Variants in IDUA observed in about 807,000 individuals in gnomAD.
The protein encoded by IDUA is alpha-L-iduronidase.
A neutral mutation model predicts 68.9 loss-of-function variants in IDUA; 65 were observed. The observed-to-expected ratio is 0.94, with a 90% CI of 0.77 to 1.16. IDUA has a LOEUF of 1.16. Among genes scored for constraint, IDUA ranks in the 50% most tolerant of loss-of-function variants. The probability of loss-of-function intolerance (pLI) is 0.00; values close to 1 mark genes in which losing one functional copy is unlikely to be tolerated. For missense variants in IDUA, 1,046 were observed against 938.0 expected, an observed-to-expected ratio of 1.12 and a Z score of -1.50; for synonymous variants, 529 against 433.6, an observed-to-expected ratio of 1.22 and a Z score of -2.73.
At chr4:990,680 C>T (rs1166001840) in intron 2 of IDUA, 5 of 441,344 alleles carry the variant, frequency 1.1e-5, no homozygotes, top group Non-Finnish European at 4.1e-6. Context: ...AAGGCAACCC[C>T]TTCCTGCTGC....
At position 1,001,513 on chromosome 4, in the gene IDUA, G is replaced by C. The variant is rs1044231895; in HGVS notation, c.539G>C (p.Trp180Ser). Reference sequence around the variant, plus strand: ...GTTTCCAAGTGGAACTTCGAGACGTGGAATGAGCCAGACCACCACGACTTT... The same window carrying C: ...GTTTCCAAGTGGAACTTCGAGACGTCGAATGAGCCAGACCACCACGACTTT... ...AHVSKWNFET[W>S]NEPDHHDFDN... Residue 180 changes from tryptophan (W) to serine (S), a missense_variant, in exon 5 of 14, where the codon TGG becomes TCG. Physicochemically the swap from Trp to Ser is radical, Grantham distance 177 (BLOSUM62 -3). Transcript: ENST00000514224. 6.2e-7 allele frequency: 1 copy of C among 1,613,110 alleles called. No homozygotes were observed. Among genetic ancestry groups the C allele is most frequent in the Admixed American group, 1.7e-5 (1 of 60,010 alleles).
chr4:1,002,720 C>T lies in IDUA; in HGVS notation c.1190-12C>T, dbSNP rs1374734111. ...CGACCCCACGCGGCGACGGCCCCCC[C>T]CCGCCCCGCAGATGAGGAGCAGCTC... On this transcript the variant is annotated splice_polypyrimidine_tract_variant and intron_variant, in intron 8 of 13. Coordinates refer to ENST00000514224, the MANE Select transcript of IDUA (RefSeq NM_000203.5). 2.1e-6 allele frequency: 3 copies of T among 1,458,400 alleles called. No homozygotes were observed. Among genetic ancestry groups the T allele is most frequent in the African/African-American group, 1.5e-5 (1 of 67,602 alleles). The allele number at this position is 1,458,400 out of a possible 1,614,324, so 90.3% of individuals were successfully genotyped here.
rs781543137 is a variant in IDUA at position 1,004,066 on chromosome 4, G to A, written c.1782G>A (p.Pro594=). ...QFSQDGKAYT[P]VSRKPSTFNL... ...CTCAGGACGGTAAGGCGTACACCCCGGTCAGCAGGAAGCCATCGACCTTCA... is the reference window on the plus strand; with the variant it reads ...CTCAGGACGGTAAGGCGTACACCCCAGTCAGCAGGAAGCCATCGACCTTCA... Residue 594 remains proline (P), a synonymous_variant, in exon 13 of 14, where the codon CCG becomes CCA. Coordinates refer to ENST00000514224, the MANE Select transcript of IDUA (RefSeq NM_000203.5). The surrounding 1 kb of genome is among the most constrained non-coding windows in gnomAD (Gnocchi z 5.0). The A allele has an allele frequency of 4.5e-5, 72 of 1,612,088 alleles. No homozygotes were observed. Among genetic ancestry groups the A allele is most frequent in the African/African-American group, 1.2e-4 (9 of 74,368 alleles).
Position 987,142 on chromosome 4 carries a change from G to C in IDUA, c.58G>C (p.Ala20Pro). Reference sequence around the variant, plus strand: ...GGCGCTCCTGGCCTCGCTCCTGGCCGCGCCCCCGGTGGCCCCGGCCGAGGC... The same window carrying C: ...GGCGCTCCTGGCCTCGCTCCTGGCCCCGCCCCCGGTGGCCCCGGCCGAGGC... Reference protein sequence around the residue: ...LLALLASLLAAPPVAPAEAPH... With the variant: ...LLALLASLLAPPPVAPAEAPH... Residue 20 changes from alanine (A) to proline (P), a missense_variant, in exon 1 of 14, where the codon GCG (alanine) becomes CCG (proline). By Grantham distance (27) the Ala-to-Pro change is conservative. Transcript: ENST00000514224. The C allele has an allele frequency of 1.4e-6, 2 of 1,419,084 alleles. No individual in the cohort carries two copies. Among genetic ancestry groups the C allele is most frequent in the East Asian group, 3.1e-5 (1 of 32,554 alleles). The allele number at this position is 1,419,084 out of a possible 1,614,324, so 87.9% of individuals were successfully genotyped here. A position where few individuals can be genotyped will look rare whatever the true frequency, so the allele number is the denominator to read the frequency against.
chr4:1,002,470 C>A lies in IDUA; in HGVS notation c.1174C>A (p.Leu392Met). The A allele has an allele frequency of 6.5e-7, 1 of 1,543,038 alleles. No homozygotes were observed. Among genetic ancestry groups the A allele is most frequent in the South Asian group, 1.2e-5 (1 of 83,424 alleles). The change falls in exon 8 of 14, where the codon CTG becomes ATG. Residue 392 changes from leucine to methionine, a missense_variant. Transcript: ENST00000514224. Reference sequence around the variant, plus strand: ...CAAGCCGGTGCTCACGGCCATGGGGCTGCTGGCGCTGCTGGGTGAGCCGGG... The same window carrying A: ...CAAGCCGGTGCTCACGGCCATGGGGATGCTGGCGCTGCTGGGTGAGCCGGG... ...LRKPVLTAMGLLALLDEEQLW... is the reference protein window; with the variant it reads ...LRKPVLTAMGMLALLDEEQLW...
In IDUA at chr4:993,872, T is replaced by C. The variant is rs560072133; in HGVS notation, c.299+5923T>C. ...GCCCAAGGCTGCCGGTGCGTGCATA[T>C]GCGTGTGTGCTCGCGTAAGCCCTGT... On this transcript the variant is annotated intron_variant, in intron 2 of 13. Transcript: ENST00000514224. Among the ~76,000 whole-genome samples, 4 of 152,300 alleles carry C rather than the reference T, an allele frequency of 2.6e-5. No individual in the cohort carries two copies. In the South Asian group the frequency reaches 6.2e-4, roughly 24 times the overall value.
chr4:999,143 T>G (rs1391566935), intron 2 of IDUA, among the ~76,000 whole-genome samples: 1 of 150,544 alleles, frequency 6.6e-6, no homozygotes, highest in African/African-American at 2.4e-5. Flanking sequence ...AGGGGGAGCT[T>G]GCAGTGAGCC....
intron 4 of IDUA, chr4:1,001,225 T>TG (rs1303600456): frequency 3.3e-6 from 2 of 604,546 alleles, no homozygotes; most frequent in South Asian, 3.9e-5. Flanking sequence ...GCCCCTGGGG[T>TG]GGGGGGTACT....
chr4:990,214 G>A (rs377680414), intron 2 of IDUA: 25 of 1,564,946 alleles, frequency 1.6e-5, no homozygotes, highest in African/African-American at 4.0e-5. Flanking sequence ...CACCATGCCG[G>A]GCCCCTGGTG....
chr4:997,755 G>C (rs1456096224), intron 2 of IDUA, among the ~76,000 whole-genome samples: 1 of 152,164 alleles, frequency 6.6e-6, no homozygotes, highest in Non-Finnish European at 1.5e-5. Flanking sequence ...CCAGGCGGAG[G>C]GTGGGCCCTC....
chr4:1,000,534 C>T (rs1157604314), intron 2 of IDUA, 78 bp from the exon 3 acceptor site: 9 of 1,145,982 alleles, frequency 7.9e-6, no homozygotes, highest in Non-Finnish European at 8.0e-6. Context: ...CCACATGCTC[C>T]GTTGTGGCCA....
chr4:1,001,116 G>A, intron 4 of IDUA, 127 bp downstream of exon 4: 1 of 723,540 alleles, frequency 1.4e-6, no homozygotes, highest in South Asian at 1.6e-5. Context: ...CCCTTGTGGG[G>A]GGATGGGGGT....
At chr4:988,749 T>C in intron 2 of IDUA, 3 of 1,436,974 alleles carry the variant, frequency 2.1e-6, no homozygotes, top group Non-Finnish European at 2.7e-6. Context: ...GGCTCCTCCC[T>C]GGGAAGGGTC....
At position 1,000,685 on chromosome 4, in the gene IDUA, C is replaced by T; in HGVS notation, c.373C>T (p.Gln125Ter). The T allele has an allele frequency of 6.2e-7, 1 of 1,611,078 alleles. No homozygotes were observed. The highest frequency in any genetic ancestry group is 1.1e-5 in the South Asian group (1 of 91,040). The change falls in exon 3 of 14, where the codon CAG becomes TAG. Residue 125 changes from glutamine to a stop codon, truncating the protein, a stop_gained. Coordinates refer to ENST00000514224, the MANE Select transcript of IDUA (RefSeq NM_000203.5). LOFTEE classifies it high-confidence loss of function. Reference sequence around the variant, plus strand: ...GTACCTGGACCTTCTCAGGGAGAACCAGCTCCTCCCAGGTGAGCTGTGGGC... The same window carrying T: ...GTACCTGGACCTTCTCAGGGAGAACTAGCTCCTCCCAGGTGAGCTGTGGGC... ...DGYLDLLREN[Q>*]LLPGFELMGS...
rs1553916917 is a variant in IDUA, at chr4:1,000,837, G to A, written c.386-45G>A. ...CGGAGCACAGGCCTGGCAGAGCATGGGTGTGGTGTGTGGTGGGCGGTGGGG... is the reference window on the plus strand; with the variant it reads ...CGGAGCACAGGCCTGGCAGAGCATGAGTGTGGTGTGTGGTGGGCGGTGGGG... On this transcript the variant is annotated intron_variant, in intron 3 of 13. Coordinates refer to ENST00000514224, the MANE Select transcript of IDUA (RefSeq NM_000203.5). The A allele has an allele frequency of 3.9e-6, 6 of 1,542,614 alleles. No homozygotes were observed. In the Admixed American group the frequency reaches 6.7e-5, roughly 17 times the overall value.
intron 2 of IDUA, chr4:992,093 T>C (rs1368970963): frequency 1.9e-6 from 1 of 513,070 alleles, no homozygotes; most frequent in African/African-American, 1.9e-5. Flanking sequence ...CTCCTGAAGC[T>C]CACCTCCCCA....
At chr4:992,465 A>G (rs1714440889) in intron 2 of IDUA, among the ~76,000 whole-genome samples, 1 of 152,200 alleles carries the variant, frequency 6.6e-6, no homozygotes, top group South Asian at 2.1e-4. Context: ...AGCCTAGCCC[A>G]TCCGCCTGGA....
intron 4 of IDUA, 122 bp from the exon 5 acceptor site, chr4:1,001,346 G>C: frequency 4.6e-6 from 4 of 877,394 alleles, no homozygotes; most frequent in East Asian, 2.4e-5. Flanking sequence ...CGGGAGGCTG[G>C]CCTGCATGGA....
chr4:994,732 C>T (rs536425694), intron 2 of IDUA, among the ~76,000 whole-genome samples: 22 of 151,684 alleles, frequency 1.5e-4, no homozygotes, highest in African/African-American at 4.9e-4. Context: ...CCACTGCACC[C>T]GGCCGCCCCC....
Sources: allele counts gnomAD v4.1 joint callset (sites outside exome capture counted in the v4.1 genomes callset), GRCh38; gene constraint gnomAD v4.1.1; non-coding constraint Gnocchi (gnomAD v3.1); transcripts MANE v1.5; gene names NCBI Gene and HGNC (gene_info 2026-07-23, HGNC 2026-07-21).